ZFP30: variants seen among roughly 807,000 people sequenced by gnomAD.
The protein encoded by ZFP30 is zinc finger protein 30 homolog.
Under a neutral mutation model 12.3 loss-of-function variants are expected in ZFP30, and 16 were observed. That is an observed-to-expected ratio of 1.30 (90% CI 0.88 to 1.98). The LOEUF (loss-of-function observed/expected upper bound fraction) is 1.98. ZFP30 is among the 30% of genes most tolerant of loss of function. The pLI is 0.00. For synonymous variants in ZFP30, 172 were observed against 201.0 expected, an observed-to-expected ratio of 0.86 and a Z score of 1.22; for missense variants, 560 against 611.2, an observed-to-expected ratio of 0.92 and a Z score of 0.88.
At position 37,650,124 on chromosome 19, in the gene ZFP30, A is replaced by T. The variant is rs1313740093; in HGVS notation, c.-77-2225T>A. 5.0e-5 allele frequency among the ~76,000 whole-genome samples: 7 copies of T among 140,940 alleles called. No homozygotes were observed. The East Asian group carries it at 6.2e-4, about 12-fold the overall frequency. 92.5% of individuals were successfully genotyped at this position (140,940 alleles called of 152,430 possible). A position where few individuals can be genotyped will look rare whatever the true frequency, so the allele number is the denominator to read the frequency against. On this transcript the variant is annotated intron_variant, in intron 2 of 5. Coordinates refer to ENST00000684514, the MANE Select transcript of ZFP30 (RefSeq NM_001320669.3). The stretch of plus-strand genomic sequence containing the variant: ...ATTTGTTCTTCCCTGGAATCTTTAC[A>T]TTTTTTTTTTTTTTAGGCAGGCTTT...
chr19:37,648,306 G>C (rs2044581718), intron 2 of ZFP30, among the ~76,000 whole-genome samples: 1 of 152,032 alleles, frequency 6.6e-6, no homozygotes. Context: ...CTTCCTTCTT[G>C]GCCTTAGGAA....
At chr19:37,643,912 T>C (rs996675415) in intron 4 of ZFP30, among the ~76,000 whole-genome samples, 1 of 152,238 alleles carries the variant, frequency 6.6e-6, no homozygotes, top group Non-Finnish European at 1.5e-5. Context: ...TACTGTCCAC[T>C]TGAGTTTTAA....
At position 37,636,163 on chromosome 19, in the gene ZFP30, C is replaced by A. The variant is rs2044322396; in HGVS notation, c.378G>T (p.Arg126Ser). The change falls in exon 6 of 6, where the codon AGG becomes AGT. Residue 126 changes from arginine to serine, a missense_variant. Arg to Ser is a moderately radical substitution (Grantham distance 110). Transcript: ENST00000684514. ...EQESPHEVCF[R>S]QVTKTTSEKM... is the part of the protein sequence containing the mutation. The stretch of plus-strand genomic sequence containing the variant: ...TTTCAGAGGTGGTTTTTGTCACTTG[C>A]CTGAAACACACCTCATGAGGACTTT... 41 of 1,613,840 alleles carry A rather than the reference C, an allele frequency of 2.5e-5. 1 individual carries two copies. The East Asian group carries it at 9.1e-4, about 36-fold the overall frequency.
intron 5 of ZFP30, among the ~76,000 whole-genome samples, chr19:37,641,153 A>G (rs1231351906): frequency 2.6e-5 from 4 of 152,176 alleles, no homozygotes; most frequent in Admixed American, 2.0e-4. Context: ...TTCTTACCAT[A>G]TATGTGGTTT....
chr19:37,633,317 G>A lies in ZFP30; in HGVS notation c.*1664C>T, dbSNP rs1486033257. On this transcript the variant is annotated 3_prime_UTR_variant, in exon 6 of 6. Coordinates refer to ENST00000684514, the MANE Select transcript of ZFP30 (RefSeq NM_001320669.3). Reference sequence around the variant, plus strand: ...ATTAATATTCCAATCCCAATGTGTAGAGCTTTGGCAACATCCACAAGTTTT... The same window carrying A: ...ATTAATATTCCAATCCCAATGTGTAAAGCTTTGGCAACATCCACAAGTTTT... The A allele has an allele frequency of 2.6e-5, 4 of 152,032 alleles. No homozygotes were observed. Among genetic ancestry groups the A allele is most frequent in the African/African-American group, 9.7e-5 (4 of 41,412 alleles). 9.4% of individuals were successfully genotyped at this position (152,032 alleles called of 1,614,324 possible).
At position 37,633,436 on chromosome 19, in the gene ZFP30, C is replaced by T. The variant is rs1294630684; in HGVS notation, c.*1545G>A. ...TGGCGTGATCTCGGCTCACTGCAAC[C>T]TCTGCCTCCTGGGTTCAAGTGATTC... On this transcript the variant is annotated 3_prime_UTR_variant, in exon 6 of 6. Coordinates refer to ENST00000684514, the MANE Select transcript of ZFP30 (RefSeq NM_001320669.3). 1 of 152,114 alleles carries T rather than the reference C, an allele frequency of 6.6e-6. No homozygotes were observed. The highest frequency in any genetic ancestry group is 2.4e-5 in the African/African-American group (1 of 41,408). 9.4% of individuals were successfully genotyped at this position (152,114 alleles called of 1,614,324 possible).
intron 2 of ZFP30, among the ~76,000 whole-genome samples, chr19:37,648,862 A>T (rs1372864617): frequency 2.0e-5 from 3 of 152,180 alleles, no homozygotes; most frequent in African/African-American, 7.2e-5. Context: ...TGCCTGCATG[A>T]TCTCAATTAC....
At position 37,632,347 on chromosome 19, in the gene ZFP30, C is replaced by T. The variant is rs1192833029; in HGVS notation, c.*2634G>A. 1 of 151,860 alleles carries T rather than the reference C, an allele frequency of 6.6e-6. No individual in the cohort carries two copies. Among genetic ancestry groups the T allele is most frequent in the Non-Finnish European group, 1.5e-5 (1 of 67,966 alleles). 9.4% of individuals were successfully genotyped at this position (151,860 alleles called of 1,614,324 possible). On this transcript the variant is annotated 3_prime_UTR_variant, in exon 6 of 6. Transcript: ENST00000684514. ...CACACATTACATATATGTAGTATAG[C>T]AACTTATAACTTTAAAAATCCATAG...
intron 5 of ZFP30, among the ~76,000 whole-genome samples, chr19:37,636,764 G>A (rs1384212794): frequency 6.6e-6 from 1 of 151,158 alleles, no homozygotes; most frequent in Non-Finnish European, 1.5e-5. Context: ...AGGTTGTAGT[G>A]CAGTGGCTCG....
chr19:37,636,425 G>T, intron 5 of ZFP30, 120 bp from the exon 6 acceptor site: 1 of 1,065,826 alleles, frequency 9.4e-7, no homozygotes, highest in Non-Finnish European at 1.3e-6. Context: ...CCCAATTGAA[G>T]TAAATGGGCT....
In ZFP30 at chr19:37,636,102, G is replaced by C. The variant is rs1291843571; in HGVS notation, c.439C>G (p.Leu147Val). ...TCTCTGTTATGACTTTTCTGATACA[G>C]AGGAAGAGATGTGAGTTTTCTGTAA... ...PTYRKLTSLP[L>V]YQKSHNREKP... The change falls in exon 6 of 6, where the codon CTG becomes GTG. Residue 147 changes from leucine to valine, a missense_variant. By Grantham distance (32) the Leu-to-Val change is conservative. Transcript: ENST00000684514. The C allele has an allele frequency of 3.1e-6, 5 of 1,614,198 alleles. No individual in the cohort carries two copies. The Admixed American group carries it at 5.0e-5, about 16-fold the overall frequency.
Position 37,633,856 on chromosome 19 carries a change from G to A in ZFP30, c.*1125C>T, listed in dbSNP as rs2044273453. Reference sequence around the variant, plus strand: ...TCATTTTTCTTTTGTATGAACAAAAGGACATTCCAGATATATCATCTCCTG... The same window carrying A: ...TCATTTTTCTTTTGTATGAACAAAAAGACATTCCAGATATATCATCTCCTG... On this transcript the variant is annotated 3_prime_UTR_variant, in exon 6 of 6. Coordinates refer to ENST00000684514, the MANE Select transcript of ZFP30 (RefSeq NM_001320669.3). The A allele has an allele frequency of 6.6e-6, 1 of 152,070 alleles. No homozygotes were observed. The highest frequency in any genetic ancestry group is 1.5e-5 in the Non-Finnish European group (1 of 68,016). The allele number at this position is 152,070 out of a possible 1,614,324, so 9.4% of individuals were successfully genotyped here. A position where few individuals can be genotyped will look rare whatever the true frequency, so the allele number is the denominator to read the frequency against.
intron 3 of ZFP30, among the ~76,000 whole-genome samples, chr19:37,646,002 T>C (rs893973069): frequency 2.0e-5 from 3 of 152,296 alleles, no homozygotes; most frequent in East Asian, 3.9e-4. Context: ...CAGTCAACCA[T>C]GGTCCAAAAA....
In ZFP30 at chr19:37,636,063, A is replaced by G. The variant is rs2044319393; in HGVS notation, c.478T>C (p.Cys160Arg). ...CTAAAAGCCTTCCCACATTCCCCAC[A>G]TTCGTAGGGTTTCTCTCTGTTATGA... is the stretch of plus-strand genomic sequence containing the variant. The part of the protein sequence containing the change: ...KSHNREKPYE[C>R]GECGKAFRVR... Residue 160 changes from cysteine to arginine, a missense_variant, in exon 6 of 6, where the codon TGT (cysteine) becomes CGT (arginine). Cys to Arg is a radical substitution (Grantham distance 180, BLOSUM62 -3). Transcript: ENST00000684514. The G allele has an allele frequency of 6.2e-7, 1 of 1,614,052 alleles. No homozygotes were observed. Among genetic ancestry groups the G allele is most frequent in the Admixed American group, 1.7e-5 (1 of 60,002 alleles).
chr19:37,653,132 AAAAG>A (rs1318951482), intron 2 of ZFP30, among the ~76,000 whole-genome samples: 2 of 151,906 alleles, frequency 1.3e-5, no homozygotes, highest in Non-Finnish European at 2.9e-5. Flanking sequence ...AAAAAAAAAA[AAAAG>A]AAAGAAAAAA....
At position 37,635,240 on chromosome 19, in the gene ZFP30, C is replaced by A; in HGVS notation, c.1301G>T (p.Gly434Val). 2 of 1,614,022 alleles carry A rather than the reference C, an allele frequency of 1.2e-6. No homozygotes were observed. The highest frequency in any genetic ancestry group is 2.2e-5 in the South Asian group (2 of 91,062). ...TTCCTTACACTTAAAGGGTTTCTCA[C>A]CAAAATGAATACTCTGATGTTGAGT... ...QLTQHQSIHF[G>V]EKPFKCKECE... Residue 434 changes from glycine (G) to valine (V), a missense_variant, in exon 6 of 6, where the codon GGT (glycine) becomes GTT (valine). By Grantham distance (109) the Gly-to-Val change is moderately radical. Transcript: ENST00000684514.
At chr19:37,646,835 T>C (rs970257923) in intron 3 of ZFP30, among the ~76,000 whole-genome samples, 5 of 152,170 alleles carry the variant, frequency 3.3e-5, no homozygotes, top group African/African-American at 1.2e-4. Context: ...TCTGCTCAAG[T>C]AGTCCTCCTG....
In ZFP30 at chr19:37,633,425, C is replaced by G. The variant is rs999770329; in HGVS notation, c.*1556G>C. The G allele has an allele frequency of 6.6e-6, 1 of 152,160 alleles. No homozygotes were observed. The highest frequency in any genetic ancestry group is 1.5e-5 in the Non-Finnish European group (1 of 68,114). The allele number at this position is 152,160 out of a possible 1,614,324, so 9.4% of individuals were successfully genotyped here. ...CTGGAGTGCAATGGCGTGATCTCGGCTCACTGCAACCTCTGCCTCCTGGGT... is the reference window on the plus strand; with the variant it reads ...CTGGAGTGCAATGGCGTGATCTCGGGTCACTGCAACCTCTGCCTCCTGGGT... On this transcript the variant is annotated 3_prime_UTR_variant, in exon 6 of 6. Coordinates refer to ENST00000684514, the MANE Select transcript of ZFP30 (RefSeq NM_001320669.3).
At chr19:37,643,014 C>T (rs2044466566) in intron 5 of ZFP30, among the ~76,000 whole-genome samples, 1 of 141,054 alleles carries the variant, frequency 7.1e-6, no homozygotes, top group South Asian at 2.2e-4. Flanking sequence ...GATCGCGCCA[C>T]TGCACTCTAG....
Sources: allele counts gnomAD v4.1 joint callset (sites outside exome capture counted in the v4.1 genomes callset), GRCh38; gene constraint gnomAD v4.1.1; transcripts MANE v1.5; gene names NCBI Gene and HGNC (gene_info 2026-07-23, HGNC 2026-07-21).